The following CTXND1 variants were observed in gnomAD, a reference collection of about 807,000 sequenced individuals.
The protein encoded by CTXND1 is cortexin domain-containing 1 protein.
intron 1 of CTXND1, among the ~76,000 whole-genome samples, chr15:80,208,852 T>A (rs1893176522): frequency 1.3e-5 from 2 of 152,204 alleles, no homozygotes; most frequent in Admixed American, 1.3e-4. Context: ...GAGAAGCCCA[T>A]GTTTCCGACC....
intron 1 of CTXND1, among the ~76,000 whole-genome samples, chr15:80,232,862 G>A (rs1267635587): frequency 6.6e-6 from 1 of 151,898 alleles, no homozygotes; most frequent in Non-Finnish European, 1.5e-5. Context: ...GGAAATTCAG[G>A]TCCTGGGCAT....
chr15:80,243,315 GC>G (rs1893591444), intron 1 of CTXND1, among the ~76,000 whole-genome samples: 1 of 152,180 alleles, frequency 6.6e-6, no homozygotes, highest in South Asian at 2.1e-4. Flanking sequence ...TTAGGCAGTG[GC>G]TACTCTAATG....
rs1255881101 is a variant in CTXND1 at position 80,198,195 on chromosome 15, G to A, written c.*3575C>T. The A allele has an allele frequency of 6.6e-6, 1 of 152,230 alleles. No homozygotes were observed. Among genetic ancestry groups the A allele is most frequent in the African/African-American group, 2.4e-5 (1 of 41,456 alleles). The allele number at this position is 152,230 out of a possible 1,614,324, so 9.4% of individuals were successfully genotyped here. ...TTGTCCCAAAGACCACTGCTGCAGA[G>A]TGGTGGATCATTTATCAGACTTTAG... On this transcript the variant is annotated 3_prime_UTR_variant, in exon 3 of 3. Coordinates refer to ENST00000560778, the MANE Select transcript of CTXND1 (RefSeq NM_001352888.2).
chr15:80,237,671 C>T (rs1893517184), intron 1 of CTXND1, among the ~76,000 whole-genome samples: 3 of 152,078 alleles, frequency 2.0e-5, no homozygotes, highest in African/African-American at 7.2e-5. Context: ...ATATTTTGTA[C>T]ACTATGTTTG....
At chr15:80,211,708 T>C (rs771318917) in intron 1 of CTXND1, among the ~76,000 whole-genome samples, 16 of 152,222 alleles carry the variant, frequency 1.1e-4, no homozygotes, top group African/African-American at 2.2e-4. Flanking sequence ...GGAGGCAGTA[T>C]GAGCTAACAC....
chr15:80,251,828 G>T (rs1309585474), intron 1 of CTXND1, among the ~76,000 whole-genome samples, 179 bp downstream of exon 1: 1 of 152,012 alleles, frequency 6.6e-6, no homozygotes, highest in Non-Finnish European at 1.5e-5. Context: ...GGAGGGGATC[G>T]GTCCCAGTGT....
rs142301787 is a variant in CTXND1, at chr15:80,232,472, TTTG to T, written c.-218+19532_-218+19534del. On this transcript the variant is annotated intron_variant, in intron 1 of 2. Transcript: ENST00000560778. ...ACTAACAAACAGCCTTTAATGATTT[TTTG>T]TTGTTGTTTTTAATGGAAAGAATCA... is the stretch of plus-strand genomic sequence containing the variant. Among the ~76,000 whole-genome samples, 549 of 152,352 alleles carry T rather than the reference TTTG, an allele frequency of 3.6e-3. 5 individuals are homozygous for T. The highest frequency in any genetic ancestry group is 0.013 in the African/African-American group (527 of 41,576).
chr15:80,224,741 T>C (rs1282032670), intron 1 of CTXND1, among the ~76,000 whole-genome samples: 1 of 152,146 alleles, frequency 6.6e-6, no homozygotes, highest in African/African-American at 2.4e-5. Flanking sequence ...TTGAGTAGTG[T>C]TTTTTGAGTA....
chr15:80,215,023 A>T (rs1426803713), intron 1 of CTXND1, among the ~76,000 whole-genome samples: 1 of 152,250 alleles, frequency 6.6e-6, no homozygotes, highest in East Asian at 1.9e-4. Context: ...AAAACTTCAA[A>T]GATATGGATG....
rs144364101 is a variant in CTXND1, at chr15:80,215,053, T to C, written c.-217-11313A>G. 1.8e-4 allele frequency among the ~76,000 whole-genome samples: 28 copies of C among 152,270 alleles called. 1 individual carries two copies. In the East Asian group the frequency reaches 4.8e-3, roughly 26 times the overall value. The stretch of plus-strand genomic sequence containing the variant: ...TGGATGTTTTCCAGAAAAATGTAAA[T>C]AGTTAAAATTGGCTCAAAATGAAAT... On this transcript the variant is annotated intron_variant, in intron 1 of 2. Transcript: ENST00000560778.
chr15:80,244,338 G>T (rs1567135950), intron 1 of CTXND1, among the ~76,000 whole-genome samples: 1 of 152,210 alleles, frequency 6.6e-6, no homozygotes, highest in East Asian at 1.9e-4. Flanking sequence ...ATGTATCAAA[G>T]TCAGCTGAAG....
intron 1 of CTXND1, among the ~76,000 whole-genome samples, chr15:80,208,566 T>C (rs1428925068): frequency 1.3e-5 from 2 of 152,196 alleles, no homozygotes; most frequent in African/African-American, 2.4e-5. Context: ...TATTATGTTA[T>C]CGTTTTTGCA....
intron 1 of CTXND1, among the ~76,000 whole-genome samples, chr15:80,237,117 CGA>C (rs1893508544): frequency 6.6e-6 from 1 of 151,996 alleles, no homozygotes; most frequent in Non-Finnish European, 1.5e-5. Flanking sequence ...TGGCAGATCA[CGA>C]GATCAGCAGA....
chr15:80,206,863 T>C lies in CTXND1; in HGVS notation c.-217-3123A>G, dbSNP rs182889026. Among the ~76,000 whole-genome samples, 728 of 152,322 alleles carry C rather than the reference T, an allele frequency of 4.8e-3. 5 individuals carry two copies. The highest frequency in any genetic ancestry group is 0.017 in the African/African-American group (692 of 41,568). On this transcript the variant is annotated intron_variant, in intron 1 of 2. Coordinates refer to ENST00000560778, the MANE Select transcript of CTXND1 (RefSeq NM_001352888.2). Reference sequence around the variant, plus strand: ...CTACCTTAGTTTTCATTCTCAGTTTTACAGTGACATCTATTTAAGGCTTCC... The same window carrying C: ...CTACCTTAGTTTTCATTCTCAGTTTCACAGTGACATCTATTTAAGGCTTCC...
At chr15:80,224,598 CT>C (rs576927603) in intron 1 of CTXND1, among the ~76,000 whole-genome samples, 9 of 152,190 alleles carry the variant, frequency 5.9e-5, no homozygotes, top group East Asian at 5.8e-4. Flanking sequence ...CATAAGCATG[CT>C]GGCATTTTGA....
chr15:80,238,588 C>T (rs1189442223), intron 1 of CTXND1, among the ~76,000 whole-genome samples: 2 of 151,784 alleles, frequency 1.3e-5, no homozygotes, highest in Admixed American at 6.6e-5. Context: ...AGGTTCACGC[C>T]ATTCTCCTGC....
intron 1 of CTXND1, among the ~76,000 whole-genome samples, chr15:80,245,092 CTT>C (rs1349406939): frequency 1.3e-5 from 2 of 152,140 alleles, no homozygotes; most frequent in Non-Finnish European, 2.9e-5. Context: ...AGAGGCATGA[CTT>C]TGTGGAATGC....
At chr15:80,221,081 T>C (rs1893311435) in intron 1 of CTXND1, among the ~76,000 whole-genome samples, 1 of 151,998 alleles carries the variant, frequency 6.6e-6, no homozygotes, top group Admixed American at 6.6e-5. Context: ...ACTAATTTTT[T>C]TGTATTTTTA....
intron 1 of CTXND1, among the ~76,000 whole-genome samples, chr15:80,244,084 C>T (rs1893601488): frequency 6.6e-6 from 1 of 152,212 alleles, no homozygotes; most frequent in Admixed American, 6.5e-5. Flanking sequence ...TTGACTTTTC[C>T]CATCCTGCTC....
Sources: gnomAD v4.1 joint callset for allele counts (sites outside exome capture counted in the v4.1 genomes callset) on GRCh38, gnomAD v4.1.1 for gene constraint, MANE v1.5 for transcripts, NCBI Gene and HGNC (gene_info 2026-07-23, HGNC 2026-07-21) for gene names.